PHF20: variants seen among roughly 807,000 people sequenced by gnomAD.
PHF20 encodes glioma-expressed antigen 2.
A neutral mutation model predicts 113.5 loss-of-function variants in PHF20; 23 were observed. The ratio of observed to expected loss-of-function variants is 0.20; its 90% CI spans 0.15 to 0.29. The LOEUF (loss-of-function observed/expected upper bound fraction) is 0.29, where lower values mean the gene tolerates loss of function less well. PHF20 is among the 10% of genes least tolerant of loss of function. The pLI is 1.00. For missense variants in PHF20, 943 were observed against 1,219.6 expected (o/e 0.77, Z 3.38); for synonymous variants, 434 against 457.3 (o/e 0.95, Z 0.65).
intron 2 of PHF20, among the ~76,000 whole-genome samples, chr20:35,827,861 C>T (rs2042290920): frequency 6.6e-6 from 1 of 151,616 alleles, no homozygotes; most frequent in South Asian, 2.1e-4. Flanking sequence ...GATTGTGCCT[C>T]TTCCTAGTCA....
At chr20:35,806,664 T>C (rs2146875051) in intron 2 of PHF20, among the ~76,000 whole-genome samples, 1 of 152,316 alleles carries the variant, frequency 6.6e-6, no homozygotes, top group East Asian at 1.9e-4. Flanking sequence ...CTTTAGTCTA[T>C]TCCATTGATT....
At chr20:35,794,615 G>T (rs961060148) in intron 1 of PHF20, among the ~76,000 whole-genome samples, 2 of 152,172 alleles carry the variant, frequency 1.3e-5, no homozygotes, top group African/African-American at 4.8e-5. Flanking sequence ...AGCCTGTTCT[G>T]TAGTTTCTGG....
intron 9 of PHF20, among the ~76,000 whole-genome samples, chr20:35,891,962 C>T (rs1252946282): frequency 2.6e-5 from 4 of 151,948 alleles, no homozygotes; most frequent in East Asian, 1.9e-4. Flanking sequence ...CTCCGCCTAC[C>T]GGGTTCAAGC....
intron 1 of PHF20, among the ~76,000 whole-genome samples, chr20:35,787,571 C>A (rs1445989698): frequency 6.7e-6 from 1 of 148,238 alleles, no homozygotes; most frequent in African/African-American, 2.5e-5. Flanking sequence ...TCACTGCAAT[C>A]TCCGCCTCCT....
intron 4 of PHF20, chr20:35,850,954 G>C: frequency 2.1e-6 from 1 of 476,728 alleles, no homozygotes; most frequent in Non-Finnish European, 3.9e-6. Context: ...TGAAGCTGCT[G>C]CTTTAATTTT....
intron 4 of PHF20, among the ~76,000 whole-genome samples, chr20:35,852,679 A>T (rs1416251109): frequency 2.6e-5 from 4 of 151,012 alleles, no homozygotes. Flanking sequence ...GCTCACTGCA[A>T]CCTCCGCCTC....
chr20:35,786,950 A>T lies in PHF20; in HGVS notation c.-32-14541A>T, dbSNP rs567801257. On this transcript the variant is annotated intron_variant, in intron 1 of 17. Transcript: ENST00000374012. Reference sequence around the variant, plus strand: ...TCCATGTGATTATCTTCTTGAATCTATATACCCATTGAGGTGGATGATATT... The same window carrying T: ...TCCATGTGATTATCTTCTTGAATCTTTATACCCATTGAGGTGGATGATATT... 3.3e-5 allele frequency among the ~76,000 whole-genome samples: 5 copies of T among 149,648 alleles called. No individual in the cohort carries two copies. The South Asian group carries it at 8.5e-4, about 25-fold the overall frequency.
At chr20:35,917,457 T>G in intron 12 of PHF20, 27 bp from the exon 13 acceptor site, 8 of 1,590,242 alleles carry the variant, frequency 5.0e-6, no homozygotes, top group Non-Finnish European at 6.9e-6. Flanking sequence ...CCTAAAATAG[T>G]AACTGTTGTT....
intron 15 of PHF20, among the ~76,000 whole-genome samples, chr20:35,932,472 C>A (rs1174827556): frequency 1.4e-5 from 2 of 146,424 alleles, no homozygotes; most frequent in African/African-American, 5.2e-5. Context: ...GCTCTGTCGC[C>A]CAGGCTGGAG....
intron 1 of PHF20, among the ~76,000 whole-genome samples, chr20:35,775,592 A>G (rs890362999): frequency 3.3e-5 from 5 of 151,902 alleles, no homozygotes; most frequent in Non-Finnish European, 7.4e-5. Context: ...TGTCTCTACT[A>G]AAAATAGAAA....
At chr20:35,869,378 A>G in intron 6 of PHF20, 60 bp from the exon 7 acceptor site, 1 of 818,242 alleles carries the variant, frequency 1.2e-6, no homozygotes. Context: ...TTTATATATA[A>G]AAATGACAGA....
chr20:35,796,870 C>T (rs536184749), intron 1 of PHF20, among the ~76,000 whole-genome samples: 2 of 152,182 alleles, frequency 1.3e-5, no homozygotes, highest in Non-Finnish European at 2.9e-5. Context: ...CTCTGCATGT[C>T]AGTTTCCTCC....
chr20:35,791,953 G>A (rs1213770464), intron 1 of PHF20, among the ~76,000 whole-genome samples: 1 of 152,126 alleles, frequency 6.6e-6, no homozygotes, highest in South Asian at 2.1e-4. Flanking sequence ...AGTAATATGC[G>A]AAAGGTCATA....
chr20:35,844,421 T>G (rs996729325), intron 3 of PHF20, among the ~76,000 whole-genome samples: 6 of 150,040 alleles, frequency 4.0e-5, no homozygotes, highest in East Asian at 1.9e-4. Context: ...TTTTTGGTTT[T>G]TTTTTTTTTT....
At chr20:35,890,418 T>C (rs1373548736) in intron 9 of PHF20, among the ~76,000 whole-genome samples, 1 of 152,246 alleles carries the variant, frequency 6.6e-6, no homozygotes, top group Non-Finnish European at 1.5e-5. Flanking sequence ...CTTCATTGTT[T>C]GATTAATAAA....
chr20:35,816,646 G>A (rs1198262660), intron 2 of PHF20, among the ~76,000 whole-genome samples: 2 of 151,554 alleles, frequency 1.3e-5, no homozygotes, highest in African/African-American at 4.9e-5. Context: ...TAGAGTTCGG[G>A]TTTCACTGTG....
chr20:35,890,525 A>T (rs1007345984), intron 9 of PHF20, among the ~76,000 whole-genome samples: 1 of 152,210 alleles, frequency 6.6e-6, no homozygotes, highest in South Asian at 2.1e-4. Context: ...TGAGCAAACA[A>T]CTGTGAGGTC....
intron 1 of PHF20, among the ~76,000 whole-genome samples, chr20:35,800,609 C>G (rs2041762222): frequency 1.3e-5 from 2 of 151,918 alleles, no homozygotes. Context: ...AATCTCTACT[C>G]AAAATACAAA....
chr20:35,889,293 C>T (rs540054791), intron 9 of PHF20, among the ~76,000 whole-genome samples: 4 of 152,072 alleles, frequency 2.6e-5, no homozygotes, highest in East Asian at 3.9e-4. Flanking sequence ...AGATTATAGG[C>T]GTGAGCCACC....
Sources: allele counts gnomAD v4.1 joint callset (sites outside exome capture counted in the v4.1 genomes callset), GRCh38; gene constraint gnomAD v4.1.1; transcripts MANE v1.5; gene names NCBI Gene and HGNC (gene_info 2026-07-23, HGNC 2026-07-21).